KYAT3: variants seen among roughly 807,000 people sequenced by gnomAD.
KYAT3 encodes kynurenine aminotransferase 3.
In KYAT3, 50 loss-of-function variants were observed where a neutral mutation model predicts 59.0. The ratio of observed to expected loss-of-function variants is 0.85; its 90% CI spans 0.68 to 1.07. The LOEUF is 1.07. Ranked by LOEUF, KYAT3 falls within the 50% of genes least tolerant of loss-of-function variation. The pLI is 0.00. For missense variants in KYAT3, 497 were observed against 533.3 expected, an observed-to-expected ratio of 0.93 and a Z score of 0.67; for synonymous variants, 148 against 177.0, an observed-to-expected ratio of 0.84 and a Z score of 1.30.
chr1:88,942,504 G>A (rs1281483329), intron 13 of KYAT3, among the ~76,000 whole-genome samples: 1 of 152,122 alleles, frequency 6.6e-6, no homozygotes, highest in East Asian at 1.9e-4. Context: ...ATATTACATG[G>A]TAAGGGGTCT....
At chr1:88,987,644 T>C (rs781046555) in intron 2 of KYAT3, among the ~76,000 whole-genome samples, 2 of 152,186 alleles carry the variant, frequency 1.3e-5, no homozygotes, top group Non-Finnish European at 2.9e-5. Context: ...ATTTTGCCTC[T>C]TTTTTTCTGT....
chr1:88,961,580 T>C lies in KYAT3; in HGVS notation c.541-74A>G. 4 of 1,309,724 alleles carry C rather than the reference T, an allele frequency of 3.1e-6. No homozygotes were observed. The South Asian group carries it at 6.0e-5, about 20-fold the overall frequency. 81.1% of individuals were successfully genotyped at this position (1,309,724 alleles called of 1,614,324 possible). ...ACTGTCTTACAAACGAATAACCTAA[T>C]AAGGAAAAAAACATCAAAGAAAGTC... On this transcript the variant is annotated intron_variant, in intron 6 of 13. Coordinates refer to ENST00000260508, the MANE Select transcript of KYAT3 (RefSeq NM_001008661.3).
At chr1:88,937,475 A>G (rs1158312960) in intron 13 of KYAT3, among the ~76,000 whole-genome samples, 1 of 152,130 alleles carries the variant, frequency 6.6e-6, no homozygotes, top group Admixed American at 6.6e-5. Context: ...CAAAATAAGT[A>G]ATAATAATAA....
At chr1:88,986,479 A>G (rs952921878) in intron 2 of KYAT3, among the ~76,000 whole-genome samples, 5 of 150,470 alleles carry the variant, frequency 3.3e-5, no homozygotes, top group African/African-American at 4.9e-5. Flanking sequence ...TTTAATAGAG[A>G]TGAGGTTTTG....
At chr1:88,988,398 G>T in intron 1 of KYAT3, 47 bp from the exon 2 acceptor site, 2 of 1,072,706 alleles carry the variant, frequency 1.9e-6, no homozygotes, top group Non-Finnish European at 2.9e-6. Context: ...TATATGATGG[G>T]TACATCACTA....
chr1:88,974,669 G>A (rs1167469911), intron 2 of KYAT3, among the ~76,000 whole-genome samples: 2 of 151,812 alleles, frequency 1.3e-5, no homozygotes, highest in African/African-American at 4.8e-5. Flanking sequence ...TCTAGCTAGA[G>A]GATTATAAAT....
rs1258073641 is a variant in KYAT3 at position 88,961,241 on chromosome 1, T to C, written c.713A>G (p.Lys238Arg). The C allele has an allele frequency of 1.2e-6, 2 of 1,613,650 alleles. No individual in the cohort carries two copies. Among genetic ancestry groups the C allele is most frequent in the South Asian group, 2.2e-5 (2 of 91,080 alleles). ...ELQVIADLCI[K>R]YDTLCISDEV... ...ATCGCTGATGCAGAGTGTGTCATATTTGATGCAAAGGTCAGCAATTACTTG... is the reference window on the plus strand; with the variant it reads ...ATCGCTGATGCAGAGTGTGTCATATCTGATGCAAAGGTCAGCAATTACTTG... Residue 238 changes from lysine to arginine, a missense_variant, in exon 8 of 14, where the codon AAA becomes AGA. Coordinates refer to ENST00000260508, the MANE Select transcript of KYAT3 (RefSeq NM_001008661.3).
At chr1:88,926,161 C>A in the KYAT3 span, among the ~76,000 whole-genome samples, 1 of 152,230 alleles carries the variant, frequency 6.6e-6, no homozygotes, top group African/African-American at 2.4e-5. Flanking sequence ...AAACAGGTAG[C>A]TTACTAACTC....
chr1:88,943,267 C>T (rs987010402), intron 12 of KYAT3, 83 bp downstream of exon 12: 34 of 1,020,524 alleles, frequency 3.3e-5, no homozygotes, highest in Admixed American at 2.9e-4. Context: ...TACATTTGAT[C>T]GATTTCAAAG....
chr1:88,974,258 CAT>C (rs1676672069), intron 2 of KYAT3, among the ~76,000 whole-genome samples: 1 of 152,090 alleles, frequency 6.6e-6, no homozygotes, highest in Non-Finnish European at 1.5e-5. Context: ...TAGTTGCAAT[CAT>C]GTGTCATTTA....
At chr1:88,947,352 G>T (rs756958275) in intron 11 of KYAT3, among the ~76,000 whole-genome samples, 1 of 152,232 alleles carries the variant, frequency 6.6e-6, no homozygotes, top group African/African-American at 2.4e-5. Flanking sequence ...GGTTGAGTGT[G>T]TATATCCTGG....
chr1:88,936,327 T>TG (rs1369657556), intron 13 of KYAT3, 82 bp from the exon 14 acceptor site: 1 of 1,087,534 alleles, frequency 9.2e-7, no homozygotes, highest in African/African-American at 1.6e-5. Context: ...TACAACATAA[T>TG]GAAGATTTAA....
downstream of KYAT3, among the ~76,000 whole-genome samples, chr1:88,931,283 C>T (rs1358535834): frequency 6.6e-6 from 1 of 152,182 alleles, no homozygotes; most frequent in Non-Finnish European, 1.5e-5. Flanking sequence ...ATTTCAATCC[C>T]TCTATCTTTA....
At chr1:88,931,821 GC>G (rs1478510431), downstream of KYAT3, among the ~76,000 whole-genome samples, 2 of 122,220 alleles carry the variant, frequency 1.6e-5, no homozygotes, top group African/African-American at 6.1e-5. Context: ...GCCAGCAACA[GC>G]TACCCTCTTT....
At chr1:88,967,445 A>G (rs1243370746) in intron 4 of KYAT3, among the ~76,000 whole-genome samples, 1 of 151,974 alleles carries the variant, frequency 6.6e-6, no homozygotes, top group Non-Finnish European at 1.5e-5. Flanking sequence ...AATTAATGGC[A>G]AAACCGCAAT....
downstream of KYAT3, among the ~76,000 whole-genome samples, chr1:88,933,009 A>G (rs144438260): frequency 7.9e-5 from 12 of 152,208 alleles, no homozygotes; most frequent in Non-Finnish European, 1.5e-4. Context: ...TGCACTGTCT[A>G]TTCCTTCTGC....
chr1:88,982,916 T>A, intron 2 of KYAT3: 1 of 1,614,010 alleles, frequency 6.2e-7, no homozygotes, highest in Non-Finnish European at 8.5e-7. Flanking sequence ...GCTTCCACCA[T>A]AAGATGGCGG....
rs1257504508 is a variant in KYAT3 at position 88,972,300 on chromosome 1, T to G, written c.100-2833A>C. ...ACTGAAAGCCTACTGATTTAAACGT[T>G]AATCTCATCTAAAATACACCTTCAC... On this transcript the variant is annotated intron_variant, in intron 2 of 13. Coordinates refer to ENST00000260508, the MANE Select transcript of KYAT3 (RefSeq NM_001008661.3). Among the ~76,000 whole-genome samples the G allele has an allele frequency of 2.6e-5, 4 of 152,230 alleles. No homozygotes were observed. The East Asian group carries it at 7.7e-4, about 29-fold the overall frequency.
intron 11 of KYAT3, among the ~76,000 whole-genome samples, chr1:88,945,527 T>C (rs1307068298): frequency 2.0e-5 from 3 of 152,250 alleles, no homozygotes; most frequent in Admixed American, 6.5e-5. Flanking sequence ...CTATCTCCTC[T>C]TCTCTATCAA....
Sources: gnomAD v4.1 joint callset for allele counts (sites outside exome capture counted in the v4.1 genomes callset) on GRCh38, gnomAD v4.1.1 for gene constraint, MANE v1.5 for transcripts, NCBI Gene and HGNC (gene_info 2026-07-23, HGNC 2026-07-21) for gene names.